TEX11: variants seen among roughly 807,000 people sequenced by gnomAD.
TEX11 encodes the protein testis-expressed protein 11.
In TEX11, 7 loss-of-function variants were observed where a neutral mutation model predicts 84.4. The observed-to-expected ratio is 0.08, with a 90% CI of 0.05 to 0.16. TEX11 has a LOEUF of 0.16. Ranked by LOEUF, TEX11 falls within the 10% of genes least tolerant of loss-of-function variation. TEX11 has a pLI of 1.00. For synonymous variants in TEX11, 264 were observed against 222.8 expected (o/e 1.18, Z -1.64); for missense variants, 551 against 660.5 (o/e 0.83, Z 1.82).
rs766675753 is a variant in TEX11, at chrX:70,889,561, A to G, written c.38-9452T>C. ...AGTAGAATGAATAAACAATGAACCA[A>G]TGAAAAATAACAACTACAACTTTTC... is the stretch of plus-strand genomic sequence containing the variant. On this transcript the variant is annotated intron_variant, in intron 2 of 29. Transcript: ENST00000374333. 8.0e-5 allele frequency among the ~76,000 whole-genome samples: 9 copies of G among 112,178 alleles called. No individual in the cohort carries two copies. The East Asian group carries it at 2.5e-3, about 31-fold the overall frequency.
chrX:70,518,060 TA>T, the TEX11 span, among the ~76,000 whole-genome samples: 21 of 109,462 alleles, frequency 1.9e-4, no homozygotes, highest in East Asian at 5.7e-4. Context: ...TGTTGATCTT[TA>T]AAAAAAAACA....
intron 13 of TEX11, among the ~76,000 whole-genome samples, chrX:70,689,361 A>T (rs1569403446): frequency 9.0e-6 from 1 of 111,202 alleles, no homozygotes; most frequent in Non-Finnish European, 1.9e-5. Context: ...AAGAAATGAC[A>T]CCCCAGTAGC....
chrX:70,686,576 G>A (rs2090190646), intron 13 of TEX11, among the ~76,000 whole-genome samples: 1 of 110,271 alleles, frequency 9.1e-6, no homozygotes, highest in Non-Finnish European at 1.9e-5. Context: ...AAGACAAATA[G>A]CTAATGCATG....
intron 13 of TEX11, among the ~76,000 whole-genome samples, chrX:70,692,699 T>G (rs1481238634): frequency 1.8e-5 from 2 of 109,964 alleles, no homozygotes; most frequent in African/African-American, 6.6e-5. Flanking sequence ...ATATATCACA[T>G]TTTGCTTACC....
intron 15 of TEX11, among the ~76,000 whole-genome samples, chrX:70,678,104 G>A (rs1329824028): frequency 1.8e-5 from 2 of 110,942 alleles, no homozygotes; most frequent in South Asian, 3.9e-4. Context: ...GAGCCACCAC[G>A]CCCGGCCAAT....
At chrX:70,725,206 T>A in intron 12 of TEX11, 56 bp downstream of exon 12, 2 of 830,767 alleles carry the variant, frequency 2.4e-6, no homozygotes, top group Non-Finnish European at 1.7e-6. Context: ...ATCTTATATT[T>A]AACAAATTGT....
chrX:70,548,555 A>G (rs2088170024), intron 28 of TEX11, among the ~76,000 whole-genome samples: 1 of 111,399 alleles, frequency 9.0e-6, no homozygotes, highest in Non-Finnish European at 1.9e-5. Flanking sequence ...CCCCTCTCCT[A>G]TGCCCCAACA....
chrX:70,594,676 T>C (rs928738531), intron 24 of TEX11, among the ~76,000 whole-genome samples: 28 of 111,122 alleles, frequency 2.5e-4, no homozygotes, highest in Middle Eastern at 4.6e-3. Flanking sequence ...GTAGTTCCCA[T>C]AATCCCCATG....
At chrX:70,671,910 T>TATATATATACATACAC (rs57166359) in intron 15 of TEX11, among the ~76,000 whole-genome samples, 1 of 67,983 alleles carries the variant, frequency 1.5e-5, no homozygotes, top group African/African-American at 5.1e-5. Flanking sequence ...TATATATATA[T>TATATATATACATACAC]ACACACACAC....
At chrX:70,840,372 C>A (rs190911218) in intron 7 of TEX11, among the ~76,000 whole-genome samples, 205 of 111,404 alleles carry the variant, frequency 1.8e-3, no homozygotes, top group African/African-American at 6.4e-3. Flanking sequence ...TCATATCCAG[C>A]CAAACTAACC....
At chrX:70,717,994 G>T (rs2090522231) in intron 13 of TEX11, among the ~76,000 whole-genome samples, 1 of 112,137 alleles carries the variant, frequency 8.9e-6, no homozygotes, top group South Asian at 3.7e-4. Flanking sequence ...CTTGTAAATA[G>T]AAAGCTAAAA....
At position 70,784,055 on chromosome X, in the gene TEX11, C is replaced by G. The variant is rs757911319; in HGVS notation, c.692+22650G>C. Among the ~76,000 whole-genome samples, 3 of 111,732 alleles carry G rather than the reference C, an allele frequency of 2.7e-5. No individual in the cohort carries two copies. The South Asian group carries it at 1.1e-3, about 42-fold the overall frequency. On this transcript the variant is annotated intron_variant, in intron 9 of 29. Coordinates refer to ENST00000374333, the MANE Select transcript of TEX11 (RefSeq NM_031276.3). Reference sequence around the variant, plus strand: ...GAGAATTTTAGACCAATATCCCTGACGAACATTGATGCAAAAATCCTCAAT... The same window carrying G: ...GAGAATTTTAGACCAATATCCCTGAGGAACATTGATGCAAAAATCCTCAAT...
At chrX:70,677,775 A>G (rs1372541408) in intron 15 of TEX11, among the ~76,000 whole-genome samples, 1 of 104,177 alleles carries the variant, frequency 9.6e-6, no homozygotes, top group East Asian at 3.0e-4. Context: ...AAGCTGCACA[A>G]TTGTAATGCT....
At chrX:70,894,732 C>T (rs1039265667) in intron 2 of TEX11, among the ~76,000 whole-genome samples, 3 of 111,400 alleles carry the variant, frequency 2.7e-5, no homozygotes, top group Non-Finnish European at 3.8e-5. Flanking sequence ...GTTCAACATA[C>T]GCAAATCGAT....
intron 20 of TEX11, among the ~76,000 whole-genome samples, chrX:70,618,050 A>G (rs1194906401): frequency 8.9e-6 from 1 of 112,271 alleles, no homozygotes; most frequent in African/African-American, 3.2e-5. Context: ...CAAAGAAGGT[A>G]AAAACAAATC....
intron 17 of TEX11, among the ~76,000 whole-genome samples, chrX:70,643,926 C>G (rs1603185997): frequency 9.5e-6 from 1 of 105,663 alleles, no homozygotes; most frequent in Non-Finnish European, 2.0e-5. Flanking sequence ...CAAATGGGAT[C>G]TAATTAAACT....
chrX:70,715,118 G>A (rs1006046591), intron 13 of TEX11, among the ~76,000 whole-genome samples: 18 of 110,710 alleles, frequency 1.6e-4, no homozygotes, highest in Admixed American at 1.6e-3. Flanking sequence ...TTGAATATTG[G>A]CCCCCACACT....
chrX:70,788,957 TATATATATATATATATAG>T (rs1214807957), intron 9 of TEX11, among the ~76,000 whole-genome samples: 5 of 43,072 alleles, frequency 1.2e-4, no homozygotes, highest in African/African-American at 5.1e-4. Context: ...TATATATATA[TATATATATATATATATAG>T]AGAGAGAGAG....
At chrX:70,646,322 A>C (rs1189762595) in intron 17 of TEX11, among the ~76,000 whole-genome samples, 1 of 112,370 alleles carries the variant, frequency 8.9e-6, no homozygotes, top group Non-Finnish European at 1.9e-5. Flanking sequence ...AACTACTAAA[A>C]GAAAACATAG....
Sources: allele counts gnomAD v4.1 joint callset (sites outside exome capture counted in the v4.1 genomes callset), GRCh38; gene constraint gnomAD v4.1.1; transcripts MANE v1.5; gene names NCBI Gene and HGNC (gene_info 2026-07-23, HGNC 2026-07-21).